TRERF1: variants seen among roughly 807,000 people sequenced by gnomAD.
TRERF1 encodes transcriptional-regulating factor 1.
TRERF1 carries 27 observed loss-of-function variants against 122.9 expected under a neutral mutation model. The ratio of observed to expected loss-of-function variants is 0.22; its 90% confidence interval spans 0.16 to 0.30. The LOEUF (loss-of-function observed/expected upper bound fraction) is 0.30. TRERF1 is among the 10% of genes least tolerant of loss of function. The pLI is 1.00. For missense variants in TRERF1, 1,248 were observed against 1,560.3 expected (o/e 0.80, Z 3.37); for synonymous variants, 636 against 641.7 (o/e 0.99, Z 0.13).
chr6:42,314,477 G>A (rs1582984042), intron 3 of TRERF1, among the ~76,000 whole-genome samples: 1 of 152,316 alleles, frequency 6.6e-6, no homozygotes, highest in Middle Eastern at 3.4e-3. Flanking sequence ...AAAAATACTG[G>A]CCGAGTGCCT....
chr6:42,356,362 GA>G (rs1321963138), intron 3 of TRERF1, among the ~76,000 whole-genome samples: 1 of 152,234 alleles, frequency 6.6e-6, no homozygotes, highest in Non-Finnish European at 1.5e-5. Context: ...GTAAGGTGAA[GA>G]GAGTGAAGCT....
chr6:42,440,082 G>A (rs982603648), intron 2 of TRERF1, among the ~76,000 whole-genome samples: 2 of 152,078 alleles, frequency 1.3e-5, no homozygotes, highest in African/African-American at 4.8e-5. Flanking sequence ...ATGGGGGCAG[G>A]GCACTCATCT....
intron 3 of TRERF1, among the ~76,000 whole-genome samples, chr6:42,356,409 A>G (rs1031137598): frequency 6.6e-6 from 1 of 152,186 alleles, no homozygotes; most frequent in African/African-American, 2.4e-5. Context: ...AAGAAGAGGA[A>G]GAGGAGATTC....
chr6:42,241,443 G>C (rs1180053539), intron 15 of TRERF1, among the ~76,000 whole-genome samples: 1 of 151,890 alleles, frequency 6.6e-6, no homozygotes, highest in Non-Finnish European at 1.5e-5. Flanking sequence ...TAGAAGCATA[G>C]GCTTTGAAGC....
At chr6:42,231,077 TC>T (rs1292429820) in intron 17 of TRERF1, among the ~76,000 whole-genome samples, 1 of 152,222 alleles carries the variant, frequency 6.6e-6, no homozygotes, top group Non-Finnish European at 1.5e-5. Context: ...GAAAACTGAA[TC>T]CCTAATGCAG....
chr6:42,312,387 G>T (rs1561965826), intron 3 of TRERF1, among the ~76,000 whole-genome samples: 1 of 152,178 alleles, frequency 6.6e-6, no homozygotes, highest in Non-Finnish European at 1.5e-5. Context: ...GAAGCGGGGA[G>T]CCCCTACTTT....
rs556037653 is a variant in TRERF1, at chr6:42,368,313, G to A, written c.-453-5234C>T. On this transcript the variant is annotated intron_variant, in intron 2 of 17. Coordinates refer to ENST00000372922, the Ensembl canonical transcript of TRERF1. Reference sequence around the variant, plus strand: ...GGTCCCTCTACCCCTCCTGAGTGGAGGGCCCAGCTGTAAACTCAGTCTCCT... The same window carrying A: ...GGTCCCTCTACCCCTCCTGAGTGGAAGGCCCAGCTGTAAACTCAGTCTCCT... Among the ~76,000 whole-genome samples, 3 of 152,134 alleles carry A rather than the reference G, an allele frequency of 2.0e-5. No homozygotes were observed. In the East Asian group the frequency reaches 5.8e-4, roughly 29 times the overall value.
At chr6:42,337,544 C>T (rs1215030056) in intron 3 of TRERF1, among the ~76,000 whole-genome samples, 2 of 152,166 alleles carry the variant, frequency 1.3e-5, no homozygotes, top group African/African-American at 4.8e-5. Flanking sequence ...CACGCTCAAA[C>T]CACTATCCGG....
At chr6:42,293,857 C>G (rs1248411364) in intron 4 of TRERF1, among the ~76,000 whole-genome samples, 1 of 151,814 alleles carries the variant, frequency 6.6e-6, no homozygotes, top group African/African-American at 2.4e-5. Flanking sequence ...GACTTCCCCT[C>G]CTTGCACCTC....
In TRERF1 at chr6:42,349,352, G is replaced by A. The variant is rs73430810; in HGVS notation, c.-371+13645C>T. ...CTGGGTAAAGCCTCACCTGAGGCCG[G>A]AATCTACCCCTAGATTGTTCAACCA... is the stretch of plus-strand genomic sequence containing the variant. On this transcript the variant is annotated intron_variant, in intron 3 of 17. Transcript: ENST00000372922. 6.0e-3 allele frequency among the ~76,000 whole-genome samples: 916 copies of A among 151,954 alleles called. 8 individuals are homozygous for A. The highest frequency in any genetic ancestry group is 0.021 in the African/African-American group (853 of 41,428).
At chr6:42,245,341 A>G (rs549460184) in intron 14 of TRERF1, among the ~76,000 whole-genome samples, 1 of 152,388 alleles carries the variant, frequency 6.6e-6, no homozygotes, top group Non-Finnish European at 1.5e-5. Flanking sequence ...CAAGTCAGAG[A>G]CAAAGTCCTC....
chr6:42,408,441 T>C (rs1473246470), intron 2 of TRERF1, among the ~76,000 whole-genome samples: 7 of 139,676 alleles, frequency 5.0e-5, no homozygotes, highest in Non-Finnish European at 9.1e-5. Context: ...TGCAGTGGCG[T>C]GATCTCGGCT....
intron 2 of TRERF1, among the ~76,000 whole-genome samples, chr6:42,369,799 G>A (rs1773439440): frequency 1.3e-5 from 2 of 151,970 alleles, no homozygotes; most frequent in Non-Finnish European, 2.9e-5. Flanking sequence ...ATCTGGCCCC[G>A]CCCACTGTTG....
intron 7 of TRERF1, among the ~76,000 whole-genome samples, chr6:42,264,253 T>G (rs1237721802): frequency 6.6e-6 from 1 of 152,212 alleles, no homozygotes; most frequent in Non-Finnish European, 1.5e-5. Context: ...TTAAGGATCT[T>G]TGGATGTTGA....
chr6:42,245,309 G>GGAGGCGGAGGC (rs1208726462), intron 14 of TRERF1, among the ~76,000 whole-genome samples: 2 of 152,228 alleles, frequency 1.3e-5, no homozygotes, highest in Non-Finnish European at 1.5e-5. Context: ...ATGCAGAGAT[G>GGAGGCGGAGGC]GAGGCGGAGG....
At chr6:42,378,060 G>T (rs750639704) in intron 2 of TRERF1, among the ~76,000 whole-genome samples, 34 of 152,134 alleles carry the variant, frequency 2.2e-4, no homozygotes, top group Non-Finnish European at 4.3e-4. Flanking sequence ...GAAGGGGGAA[G>T]AATTTGGTGA....
chr6:42,296,944 A>G (rs1272770262), intron 4 of TRERF1, among the ~76,000 whole-genome samples: 1 of 152,222 alleles, frequency 6.6e-6, no homozygotes, highest in Non-Finnish European at 1.5e-5. Flanking sequence ...AAGATAAACA[A>G]TAGATTCATA....
In TRERF1 at chr6:42,333,510, T is replaced by C. The variant is rs1765595522; in HGVS notation, c.-371+29487A>G. Reference sequence around the variant, plus strand: ...CTGCTCACTGCACCTGACACAAATCTGCGGTGGCCGCATCAGTCAGAGGCT... The same window carrying C: ...CTGCTCACTGCACCTGACACAAATCCGCGGTGGCCGCATCAGTCAGAGGCT... On this transcript the variant is annotated intron_variant, in intron 3 of 17. Transcript: ENST00000372922. 1.3e-5 allele frequency among the ~76,000 whole-genome samples: 2 copies of C among 152,242 alleles called. 1 individual carries two copies. The highest frequency in any genetic ancestry group is 1.3e-4 in the Admixed American group (2 of 15,288).
At chr6:42,280,446 C>T (rs1561900550) in intron 4 of TRERF1, among the ~76,000 whole-genome samples, 1 of 152,120 alleles carries the variant, frequency 6.6e-6, no homozygotes, top group Non-Finnish European at 1.5e-5. Context: ...CCCTGGCTCG[C>T]TTGCTCACTT....
Sources: allele counts gnomAD v4.1 joint callset (sites outside exome capture counted in the v4.1 genomes callset), GRCh38; gene constraint gnomAD v4.1.1; transcripts MANE v1.5; gene names NCBI Gene and HGNC (gene_info 2026-07-23, HGNC 2026-07-21).